The following SORBS2 variants were observed in gnomAD, a reference collection of about 807,000 sequenced individuals.
The protein encoded by SORBS2 is sorbin and SH3 domain-containing protein 2.
Under a neutral mutation model 97.7 loss-of-function variants are expected in SORBS2, and 46 were observed. The ratio of observed to expected loss-of-function variants is 0.47; its 90% confidence interval spans 0.37 to 0.60. The LOEUF is 0.60. Ranked by LOEUF, SORBS2 falls within the 20% of genes least tolerant of loss-of-function variation. The pLI is 0.00. For missense variants in SORBS2, 1,316 were observed against 1,282.3 expected, an observed-to-expected ratio of 1.03 and a Z score of -0.40; for synonymous variants, 476 against 473.4, an observed-to-expected ratio of 1.01 and a Z score of -0.07.
intron 2 of SORBS2, among the ~76,000 whole-genome samples, chr4:185,761,987 A>G (rs2098896381): frequency 6.6e-6 from 1 of 152,220 alleles, no homozygotes; most frequent in African/African-American, 2.4e-5. Flanking sequence ...TGCAAAGCTG[A>G]TTTATTTTGG....
chr4:185,660,223 A>G (rs1404909006), upstream of SORBS2, among the ~76,000 whole-genome samples: 1 of 152,172 alleles, frequency 6.6e-6, no homozygotes, highest in Non-Finnish European at 1.5e-5. Context: ...TTGGGTGGGG[A>G]TAGGGACAAA....
At chr4:185,952,532 G>T (rs540730596) in intron 1 of SORBS2, among the ~76,000 whole-genome samples, 2 of 152,316 alleles carry the variant, frequency 1.3e-5, no homozygotes, top group Admixed American at 1.3e-4. Context: ...AGCCCTAAAG[G>T]TGGGAGTATA....
At chr4:185,630,761 C>A (rs905334135) in intron 4 of SORBS2, among the ~76,000 whole-genome samples, 163 bp from the exon 17 acceptor site, 3 of 152,128 alleles carry the variant, frequency 2.0e-5, no homozygotes, top group African/African-American at 7.2e-5. Flanking sequence ...AGAGATCATG[C>A]GACCTGATTT....
chr4:185,733,457 G>A (rs756917291), intron 2 of SORBS2, among the ~76,000 whole-genome samples: 4 of 152,182 alleles, frequency 2.6e-5, no homozygotes, highest in Admixed American at 6.5e-5. Flanking sequence ...GGCCCATCCC[G>A]TGCTTCTCTG....
In SORBS2 at chr4:185,927,004, T is replaced by C. The variant is rs1034412048; in HGVS notation, c.-338+29192A>G. On this transcript the variant is annotated intron_variant, in intron 1 of 20. Transcript: ENST00000284776. ...CGGTTCTTTACTTTCCTCCTTCTTA[T>C]TGAACTGCCATGCTATTATAAAATC... Among the ~76,000 whole-genome samples the C allele has an allele frequency of 3.3e-5, 5 of 151,940 alleles. No homozygotes were observed. The East Asian group carries it at 9.7e-4, about 29-fold the overall frequency.
intron 2 of SORBS2, among the ~76,000 whole-genome samples, chr4:185,687,349 C>T (rs777188338): frequency 2.6e-5 from 4 of 152,076 alleles, no homozygotes; most frequent in African/African-American, 9.7e-5. Context: ...CATTTTAGAT[C>T]AGTAAATGAG....
At chr4:185,585,936 A>AT (rs2095796655) in exon 15 of SORBS2, 1 of 152,388 alleles carries the variant, frequency 6.6e-6, no homozygotes, top group Admixed American at 6.5e-5. Flanking sequence ...AACTTCATAG[A>AT]TTTTTGCATA....
chr4:185,730,019 C>G (rs1476137886), intron 2 of SORBS2, among the ~76,000 whole-genome samples: 1 of 151,974 alleles, frequency 6.6e-6, no homozygotes, highest in South Asian at 2.1e-4. Context: ...GTAGAGCCAT[C>G]TCGGCTCACT....
chr4:185,908,296 T>TATGTATATTTGTATACACACAA (rs2099252466), intron 1 of SORBS2, among the ~76,000 whole-genome samples: 2 of 81,292 alleles, frequency 2.5e-5, no homozygotes, highest in Non-Finnish European at 5.2e-5. Flanking sequence ...TATATATATA[T>TATGTATATTTGTATACACACAA]ATATATATAT....
At chr4:185,917,241 C>A (rs1054984391) in intron 1 of SORBS2, among the ~76,000 whole-genome samples, 2 of 152,248 alleles carry the variant, frequency 1.3e-5, no homozygotes, top group Middle Eastern at 3.4e-3. Flanking sequence ...CTTTTCATTT[C>A]TTTGAAACAG....
intron 1 of SORBS2, among the ~76,000 whole-genome samples, chr4:185,906,704 T>C (rs114931802): frequency 0.016 from 2,368 of 152,346 alleles, 52 homozygotes; most frequent in Admixed American, 0.048. Flanking sequence ...ACTATATGCA[T>C]GACTCTAATA....
At position 185,606,832 on chromosome 4, in the gene SORBS2, G is replaced by A. The variant is rs898802477; in HGVS notation, c.2796+4948C>T. ...GCCCTCATCTTCCTCTCCAATGACC[G>A]GAAGGGGTACAGGCAAGGAACCCAC... On this transcript the variant is annotated intron_variant, in intron 12 of 14. Transcript: ENST00000418609. This position sits in a 1 kb window ranked among gnomAD's most constrained non-coding sequence, Gnocchi z 4.3. 3.6e-5 allele frequency: 35 copies of A among 985,264 alleles called. No individual in the cohort carries two copies. The highest frequency in any genetic ancestry group is 4.1e-5 in the Non-Finnish European group (34 of 829,934). 61.0% of individuals were successfully genotyped at this position (985,264 alleles called of 1,614,324 possible). A position where few individuals can be genotyped will look rare whatever the true frequency, so the allele number is the denominator to read the frequency against.
At chr4:185,774,316 T>C (rs897622824) in intron 2 of SORBS2, 3 of 152,098 alleles carry the variant, frequency 2.0e-5, no homozygotes, top group African/African-American at 7.2e-5. Context: ...TTTCTTACAA[T>C]TGGGGGTCCC....
intron 1 of SORBS2, among the ~76,000 whole-genome samples, chr4:185,934,663 A>C (rs1191443992): frequency 6.6e-6 from 1 of 152,016 alleles, no homozygotes; most frequent in African/African-American, 2.4e-5. Context: ...GGGCCCCTGT[A>C]ATTCCAGCTA....
At position 185,832,963 on chromosome 4, in the gene SORBS2, C is replaced by A. The variant is rs150896330; in HGVS notation, c.-337-57597G>T. 2.1e-3 allele frequency among the ~76,000 whole-genome samples: 319 copies of A among 152,264 alleles called. 1 individual carries two copies. Among genetic ancestry groups the A allele is most frequent in the African/African-American group, 7.3e-3 (304 of 41,564 alleles). On this transcript the variant is annotated intron_variant, in intron 1 of 20. Transcript: ENST00000284776. ...TTATGTTTACATCCTTGATAAAATT[C>A]TTTTCTTCTAGTGATGGCAGAAACC...
At chr4:185,659,874 G>A (rs1028927157), upstream of SORBS2, among the ~76,000 whole-genome samples, 1 of 152,172 alleles carries the variant, frequency 6.6e-6, no homozygotes, top group African/African-American at 2.4e-5. Flanking sequence ...CCTACTCTAA[G>A]CAAGGAGAAT....
At chr4:185,822,978 C>G (rs892542463) in intron 1 of SORBS2, among the ~76,000 whole-genome samples, 2 of 152,220 alleles carry the variant, frequency 1.3e-5, no homozygotes, top group African/African-American at 4.8e-5. Flanking sequence ...GCTGCCTTTC[C>G]TTTTTGTTCC....
exon 7 of SORBS2, chr4:185,624,178 GTCC>G (rs1306185272): frequency 6.2e-7 from 1 of 1,614,106 alleles, no homozygotes; most frequent in Non-Finnish European, 8.5e-7. Flanking sequence ...TCTCCTTGGA[GTCC>G]TCCTCACATA....
chr4:185,632,725 T>G (rs757384005), intron 4 of SORBS2, among the ~76,000 whole-genome samples: 13 of 152,178 alleles, frequency 8.5e-5, no homozygotes, highest in Non-Finnish European at 1.9e-4. Flanking sequence ...TGTCAACTTA[T>G]AATGAGCCTA....
Sources: allele counts gnomAD v4.1 joint callset (sites outside exome capture counted in the v4.1 genomes callset), GRCh38; gene constraint gnomAD v4.1.1; non-coding constraint Gnocchi (gnomAD v3.1); transcripts MANE v1.5; gene names NCBI Gene and HGNC (gene_info 2026-07-23, HGNC 2026-07-21).